SETBP1: variants seen among roughly 807,000 people sequenced by gnomAD.
The protein encoded by SETBP1 is SET-binding protein.
Under a neutral mutation model 101.0 loss-of-function variants are expected in SETBP1, and 9 were observed. The observed-to-expected ratio is 0.09, with a 90% CI of 0.05 to 0.16. The LOEUF (loss-of-function observed/expected upper bound fraction) is 0.16, where lower values mean the gene tolerates loss of function less well. SETBP1 is among the 10% of genes least tolerant of loss of function. The pLI is 1.00. For missense variants in SETBP1, 1,858 were observed against 2,033.8 expected, an observed-to-expected ratio of 0.91 and a Z score of 1.66; for synonymous variants, 818 against 788.5, an observed-to-expected ratio of 1.04 and a Z score of -0.63.
At chr18:44,907,648 A>AT (rs1231032620) in intron 3 of SETBP1, among the ~76,000 whole-genome samples, 3 of 152,060 alleles carry the variant, frequency 2.0e-5, no homozygotes, top group African/African-American at 4.8e-5. Context: ...CCATATGTAT[A>AT]TTTTTTGGAA....
intron 2 of SETBP1, among the ~76,000 whole-genome samples, chr18:44,705,047 G>T (rs2069189941): frequency 6.6e-6 from 1 of 152,140 alleles, no homozygotes. Context: ...TCCTACTAGG[G>T]AGTCATCTGA....
chr18:44,721,378 T>A (rs1324342619), intron 2 of SETBP1, among the ~76,000 whole-genome samples: 1 of 152,198 alleles, frequency 6.6e-6, no homozygotes, highest in East Asian at 1.9e-4. Context: ...TGTTTCTTCC[T>A]TTGCTGCATA....
intron 5 of SETBP1, among the ~76,000 whole-genome samples, chr18:45,048,636 GA>G (rs2073659614): frequency 6.6e-6 from 1 of 151,180 alleles, no homozygotes; most frequent in African/African-American, 2.4e-5. Context: ...TTTTTTTTAA[GA>G]ACTTGCCACA....
Position 44,952,960 on chromosome 18 carries a change from A to C in SETBP1, c.3620A>C (p.Lys1207Thr). Residue 1207 changes from lysine to threonine, a missense_variant, in exon 4 of 6, where the codon AAG (lysine) becomes ACG (threonine). By Grantham distance (78) the Lys-to-Thr change is moderately conservative. This residue lies in a region of SETBP1 where 417 missense variants were observed against 389.1 expected (regional missense o/e 1.07). Coordinates refer to ENST00000649279, the MANE Select transcript of SETBP1 (RefSeq NM_015559.3). ...CTGGTGAGTGAGAAGAACAAGCATAAGGAGAAACAGAAGCACCAGCACAGC... is the reference window on the plus strand; with the variant it reads ...CTGGTGAGTGAGAAGAACAAGCATACGGAGAAACAGAAGCACCAGCACAGC... ...LPLVSEKNKH[K>T]EKQKHQHSEA... 10 of 1,614,198 alleles carry C rather than the reference A, an allele frequency of 6.2e-6. No homozygotes were observed. The highest frequency in any genetic ancestry group is 8.5e-6 in the Non-Finnish European group (10 of 1,180,028).
chr18:44,770,432 T>G lies in SETBP1; in HGVS notation c.486+68600T>G, dbSNP rs544756241. ...TTCCAAGTTCACCTCCTTTATTTGGTTTATTTTTAACCTATTTTATCTATT... is the reference window on the plus strand; with the variant it reads ...TTCCAAGTTCACCTCCTTTATTTGGGTTATTTTTAACCTATTTTATCTATT... On this transcript the variant is annotated intron_variant, in intron 2 of 5. Transcript: ENST00000649279. 2.6e-5 allele frequency among the ~76,000 whole-genome samples: 4 copies of G among 152,322 alleles called. No individual in the cohort carries two copies. The South Asian group carries it at 8.3e-4, about 32-fold the overall frequency.
intron 1 of SETBP1, chr18:44,697,238 A>G (rs375910886): frequency 6.6e-6 from 1 of 152,432 alleles, no homozygotes; most frequent in East Asian, 1.9e-4. Context: ...GTTGATACCC[A>G]GACTCACCAA....
intron 4 of SETBP1, among the ~76,000 whole-genome samples, chr18:45,028,982 GT>G (rs2073231802): frequency 6.6e-6 from 1 of 152,148 alleles, no homozygotes; most frequent in Non-Finnish European, 1.5e-5. Context: ...TCTGCTAGTA[GT>G]TTCTTCTGCT....
At chr18:44,749,521 G>A (rs1044503839) in intron 2 of SETBP1, among the ~76,000 whole-genome samples, 1 of 152,144 alleles carries the variant, frequency 6.6e-6, no homozygotes, top group Non-Finnish European at 1.5e-5. Context: ...TGGATTCCAG[G>A]GAAGCAATTT....
At chr18:44,993,808 A>G (rs1468139161) in intron 4 of SETBP1, among the ~76,000 whole-genome samples, 1 of 152,056 alleles carries the variant, frequency 6.6e-6, no homozygotes, top group Non-Finnish European at 1.5e-5. Context: ...AATAACTAAG[A>G]TCTCTTAAAG....
intron 1 of SETBP1, among the ~76,000 whole-genome samples, chr18:44,696,206 G>A (rs1216721284): frequency 2.0e-5 from 3 of 152,182 alleles, no homozygotes; most frequent in South Asian, 4.1e-4. Flanking sequence ...GGATGAATAC[G>A]ACACAAGTCC....
At chr18:44,995,479 T>A (rs940970922) in intron 4 of SETBP1, among the ~76,000 whole-genome samples, 1 of 151,964 alleles carries the variant, frequency 6.6e-6, no homozygotes, top group African/African-American at 2.4e-5. Context: ...AATGTGAATA[T>A]GCAGACTTAA....
chr18:44,961,127 A>T (rs975507244), intron 4 of SETBP1, among the ~76,000 whole-genome samples: 9 of 152,186 alleles, frequency 5.9e-5, no homozygotes, highest in Non-Finnish European at 1.3e-4. Flanking sequence ...GTCAGAGGGA[A>T]TGAAGGAAGG....
At chr18:45,046,110 C>A (rs2073607169) in intron 5 of SETBP1, among the ~76,000 whole-genome samples, 1 of 152,202 alleles carries the variant, frequency 6.6e-6, no homozygotes, top group Admixed American at 6.5e-5. Flanking sequence ...AGTGTCTGTG[C>A]TCCACCTGTG....
chr18:44,684,453 A>C (rs1248443043), intron 1 of SETBP1, among the ~76,000 whole-genome samples: 1 of 152,118 alleles, frequency 6.6e-6, no homozygotes, highest in Non-Finnish European at 1.5e-5. Flanking sequence ...TGCCCCCCTG[A>C]GATACATCAC....
At chr18:44,971,986 C>G (rs976193432) in intron 4 of SETBP1, among the ~76,000 whole-genome samples, 1 of 152,164 alleles carries the variant, frequency 6.6e-6, no homozygotes, top group African/African-American at 2.4e-5. Flanking sequence ...CCTAGGTTTT[C>G]TTCTAGGGTT....
chr18:44,938,806 A>G (rs367720646), intron 3 of SETBP1, among the ~76,000 whole-genome samples: 1 of 152,082 alleles, frequency 6.6e-6, no homozygotes, highest in Non-Finnish European at 1.5e-5. Context: ...TTCGGGCTCT[A>G]TTGTTTTGAG....
At chr18:44,859,398 A>T (rs2073033803) in intron 2 of SETBP1, among the ~76,000 whole-genome samples, 1 of 152,144 alleles carries the variant, frequency 6.6e-6, no homozygotes, top group African/African-American at 2.4e-5. Context: ...CCTCCCTGGC[A>T]GAGTAGGGAG....
chr18:45,027,962 G>A (rs1465158805), intron 4 of SETBP1, among the ~76,000 whole-genome samples: 1 of 152,170 alleles, frequency 6.6e-6, no homozygotes, highest in Non-Finnish European at 1.5e-5. Context: ...CTTCAGGACA[G>A]CAACATAGCA....
intron 2 of SETBP1, among the ~76,000 whole-genome samples, chr18:44,849,116 GTGCCAGAACGTCCCCCATC>G (rs1369318393): frequency 2.0e-5 from 3 of 152,186 alleles, no homozygotes; most frequent in Non-Finnish European, 4.4e-5. Context: ...CTGGATGTCT[GTGCCAGAACGTCCCCCATC>G]TGCTGCTGGG....
Sources: gnomAD v4.1 joint callset for allele counts (sites outside exome capture counted in the v4.1 genomes callset) on GRCh38, gnomAD v4.1.1 for gene constraint, gnomAD v4.1.1 regional missense constraint, MANE v1.5 for transcripts, NCBI Gene and HGNC (gene_info 2026-07-23, HGNC 2026-07-21) for gene names.